NTRK2: variants seen among roughly 807,000 people sequenced by gnomAD.
NTRK2 encodes BDNF/NT-3 growth factors receptor.
In NTRK2, 13 loss-of-function variants were observed where a neutral mutation model predicts 94.5. The observed-to-expected ratio is 0.14, with a 90% CI of 0.09 to 0.22. NTRK2 has a LOEUF of 0.22. Among genes scored for constraint, NTRK2 ranks in the 10% least tolerant of loss-of-function variants. The pLI, the probability that NTRK2 is intolerant of heterozygous loss-of-function variation, is 1.00. For synonymous variants in NTRK2, 372 were observed against 407.4 expected (o/e 0.91, Z 1.05); for missense variants, 639 against 1,071.2 (o/e 0.60, Z 5.63).
intron 12 of NTRK2, among the ~76,000 whole-genome samples, chr9:84,825,842 C>A (rs978662995): frequency 6.6e-6 from 1 of 152,186 alleles, no homozygotes. Context: ...AGACCACATG[C>A]CACTCCTGTC....
intron 6 of NTRK2, among the ~76,000 whole-genome samples, chr9:84,722,856 CAG>C (rs2062169769): frequency 6.6e-6 from 1 of 152,190 alleles, no homozygotes; most frequent in South Asian, 2.1e-4. Context: ...AATACATTCT[CAG>C]AGTCTTTCCA....
intron 12 of NTRK2, among the ~76,000 whole-genome samples, chr9:84,837,633 A>G (rs2073953383): frequency 6.6e-6 from 1 of 152,208 alleles, no homozygotes; most frequent in Non-Finnish European, 1.5e-5. Flanking sequence ...AGATAACCTC[A>G]TATATAACCC....
chr9:84,967,392 C>T (rs940261000), intron 17 of NTRK2, among the ~76,000 whole-genome samples: 10 of 152,314 alleles, frequency 6.6e-5, no homozygotes, highest in East Asian at 3.9e-4. Flanking sequence ...GGAGGCCCTA[C>T]GCAGGAAATG....
chr9:84,834,735 G>A (rs200645016), intron 12 of NTRK2, among the ~76,000 whole-genome samples: 2 of 152,246 alleles, frequency 1.3e-5, no homozygotes, highest in East Asian at 3.9e-4. Context: ...GTAACATTAC[G>A]CACAAACCAT....
chr9:84,791,446 G>T (rs1174200118), intron 12 of NTRK2, among the ~76,000 whole-genome samples: 1 of 152,130 alleles, frequency 6.6e-6, no homozygotes, highest in Non-Finnish European at 1.5e-5. Context: ...TGCAGCCTCA[G>T]AAGCTAACAG....
intron 17 of NTRK2, among the ~76,000 whole-genome samples, chr9:84,958,541 A>G (rs1824463490): frequency 6.6e-6 from 1 of 152,206 alleles, no homozygotes; most frequent in African/African-American, 2.4e-5. Context: ...AATGTGCTCC[A>G]GATGCCATGT....
chr9:84,767,803 C>T (rs987722349), intron 12 of NTRK2, among the ~76,000 whole-genome samples: 1 of 152,138 alleles, frequency 6.6e-6, no homozygotes, highest in Non-Finnish European at 1.5e-5. Flanking sequence ...TCTGGGAATT[C>T]GATTCTTCTT....
chr9:85,012,654 G>A (rs1276904416), intron 17 of NTRK2, among the ~76,000 whole-genome samples: 3 of 152,168 alleles, frequency 2.0e-5, no homozygotes, highest in Admixed American at 1.3e-4. Flanking sequence ...AGCAAAAAGT[G>A]TAGGCAAACC....
intron 12 of NTRK2, among the ~76,000 whole-genome samples, chr9:84,771,584 A>G (rs17087628): frequency 0.048 from 7,312 of 152,284 alleles, 226 homozygotes; most frequent in African/African-American, 0.069. Flanking sequence ...AAGTTTCTGT[A>G]TGGTGAAGTC....
intron 17 of NTRK2, among the ~76,000 whole-genome samples, chr9:85,001,368 T>C (rs540601270): frequency 1.3e-5 from 2 of 152,310 alleles, no homozygotes; most frequent in South Asian, 2.1e-4. Context: ...AAGACTCACA[T>C]GTCTTTGCCT....
chr9:84,946,218 G>A (rs1377065975), intron 15 of NTRK2, among the ~76,000 whole-genome samples: 2 of 152,198 alleles, frequency 1.3e-5, no homozygotes, highest in Admixed American at 1.3e-4. Context: ...ACTGACTGTA[G>A]TCTCCCTGGA....
In NTRK2 at chr9:85,021,520, G is replaced by A. The variant is rs1564559433; in HGVS notation, c.*83G>A. 1 of 1,356,054 alleles carries A rather than the reference G, an allele frequency of 7.4e-7. No homozygotes were observed. Among genetic ancestry groups the A allele is most frequent in the East Asian group, 2.3e-5 (1 of 43,680 alleles). The allele number at this position is 1,356,054 out of a possible 1,614,324, so 84.0% of individuals were successfully genotyped here. On this transcript the variant is annotated 3_prime_UTR_variant, in exon 19 of 19. Coordinates refer to ENST00000277120, the MANE Select transcript of NTRK2 (RefSeq NM_006180.6). ...GAACATCTTTTAACTGCCGCTGGAG[G>A]CCACCAAGCTGCTCTCCTTCACTCT...
chr9:84,867,087 G>A (rs953924776), intron 13 of NTRK2, among the ~76,000 whole-genome samples, 156 bp from the exon 14 acceptor site: 1 of 152,178 alleles, frequency 6.6e-6, no homozygotes, highest in African/African-American at 2.4e-5. Flanking sequence ...TGATGAAAAT[G>A]TCCTACAAGT....
At chr9:84,915,778 A>G (rs1207832145) in intron 14 of NTRK2, among the ~76,000 whole-genome samples, 2 of 152,168 alleles carry the variant, frequency 1.3e-5, no homozygotes, top group Non-Finnish European at 2.9e-5. Context: ...ATTTTAATTT[A>G]CCACTATGGT....
intron 14 of NTRK2, among the ~76,000 whole-genome samples, chr9:84,926,161 CCTTCCTTCCTTTCTTTCTTTCTTT>C (rs1564471012): frequency 0.01 from 638 of 63,416 alleles, 1 homozygote; most frequent in Admixed American, 0.013. Context: ...TTCCTTCCTT[CCTTCCTTCCTTTCTTTCTTTCTTT>C]CTTTCTTTCT....
chr9:84,678,430 A>T (rs2059191425), intron 2 of NTRK2, among the ~76,000 whole-genome samples: 1 of 152,240 alleles, frequency 6.6e-6, no homozygotes, highest in African/African-American at 2.4e-5. Context: ...TCTGCAATAT[A>T]GTGCAATTTA....
intron 14 of NTRK2, among the ~76,000 whole-genome samples, chr9:84,907,301 A>G (rs1324716884): frequency 6.6e-6 from 1 of 152,260 alleles, no homozygotes; most frequent in East Asian, 1.9e-4. Flanking sequence ...TCACCTGGGA[A>G]GAATGTGTTT....
intron 2 of NTRK2, among the ~76,000 whole-genome samples, chr9:84,690,979 A>T (rs1429668382): frequency 6.6e-6 from 1 of 152,188 alleles, no homozygotes; most frequent in Non-Finnish European, 1.5e-5. Flanking sequence ...TTGAATTATA[A>T]TTATTTTATA....
At chr9:84,861,559 G>A (rs991448249) in intron 13 of NTRK2, among the ~76,000 whole-genome samples, 3 of 152,124 alleles carry the variant, frequency 2.0e-5, no homozygotes, top group South Asian at 2.1e-4. Flanking sequence ...ACGTCCAGAC[G>A]CTGTGATTTC....
Sources: allele counts gnomAD v4.1 joint callset (sites outside exome capture counted in the v4.1 genomes callset), GRCh38; gene constraint gnomAD v4.1.1; transcripts MANE v1.5; gene names NCBI Gene and HGNC (gene_info 2026-07-23, HGNC 2026-07-21).